Variants in MTCL1 observed in about 807,000 individuals in gnomAD.
The protein encoded by MTCL1 is microtubule cross-linking factor 1.
In MTCL1, 79 loss-of-function variants were observed where a neutral mutation model predicts 141.4. The observed-to-expected ratio is 0.56, with a 90% CI of 0.47 to 0.67. The LOEUF is 0.67. Ranked by LOEUF, MTCL1 falls within the 30% of genes least tolerant of loss-of-function variation. The pLI is 0.00. For synonymous variants in MTCL1, 914 were observed against 875.8 expected, an observed-to-expected ratio of 1.04 and a Z score of -0.77; for missense variants, 2,177 against 2,113.9, an observed-to-expected ratio of 1.03 and a Z score of -0.59.
intron 4 of MTCL1, among the ~76,000 whole-genome samples, chr18:8,740,216 C>G (rs979960980): frequency 6.6e-6 from 1 of 152,196 alleles, no homozygotes; most frequent in Non-Finnish European, 1.5e-5. Flanking sequence ...GCTCTTTTTA[C>G]TCACTTATCT....
chr18:8,831,262 G>C (rs1236084680), intron 16 of MTCL1: 17 of 1,096,814 alleles, frequency 1.5e-5, no homozygotes, highest in South Asian at 2.9e-5. Flanking sequence ...TACCAGATAG[G>C]AATATGATGA....
intron 1 of MTCL1, 36 bp downstream of exon 1, chr18:8,706,749 C>T (rs973004333): frequency 1.3e-6 from 2 of 1,540,588 alleles, no homozygotes; most frequent in Non-Finnish European, 8.7e-7. Context: ...TCCCGGGGCG[C>T]CCCCGGAGGG....
intron 4 of MTCL1, among the ~76,000 whole-genome samples, chr18:8,769,651 A>C (rs77297225): frequency 9.9e-5 from 15 of 152,152 alleles, no homozygotes; most frequent in African/African-American, 3.6e-4. Flanking sequence ...TGTCCATCCC[A>C]GGTGGCCTGG....
chr18:8,717,741 A>AG (rs1444241357), intron 1 of MTCL1: 4 of 234,850 alleles, frequency 1.7e-5, no homozygotes, highest in Non-Finnish European at 2.1e-5. Flanking sequence ...ATGGGAGGGG[A>AG]GGGGGAGCCA....
At chr18:8,745,396 G>A (rs1007730452) in intron 4 of MTCL1, among the ~76,000 whole-genome samples, 1 of 152,156 alleles carries the variant, frequency 6.6e-6, no homozygotes, top group South Asian at 2.1e-4. Flanking sequence ...TCGCACTGTA[G>A]CCATCCGTCT....
At chr18:8,746,017 C>T (rs1159192213) in intron 4 of MTCL1, among the ~76,000 whole-genome samples, 3 of 152,184 alleles carry the variant, frequency 2.0e-5, no homozygotes, top group East Asian at 3.8e-4. Context: ...TGGCTTATTT[C>T]GCTTAGCATA....
rs2242273 is a variant in MTCL1, at chr18:8,828,954, C to T, written c.*8C>T. 0.13 allele frequency: 210,156 copies of T among 1,614,092 alleles called. 14,282 individuals carry two copies. The highest frequency in any genetic ancestry group is 0.16 in the South Asian group (14,245 of 91,080). On this transcript the variant is annotated 3_prime_UTR_variant, in exon 16 of 17. Transcript: ENST00000359865. The surrounding 1 kb of genome is among the most constrained non-coding windows in gnomAD (Gnocchi z 5.2). ...GCCCCCTGGGGACTCTAGCCCTGCCCGCCTCACGCTGTAAGTGCTTCCTTC... is the reference window on the plus strand; with the variant it reads ...GCCCCCTGGGGACTCTAGCCCTGCCTGCCTCACGCTGTAAGTGCTTCCTTC...
intron 4 of MTCL1, among the ~76,000 whole-genome samples, chr18:8,774,276 A>AT (rs1195243898): frequency 1.2e-4 from 11 of 93,772 alleles, no homozygotes; most frequent in East Asian, 4.7e-4. Flanking sequence ...GTGTGTGTGT[A>AT]TTTTTTTTTA....
intron 4 of MTCL1, among the ~76,000 whole-genome samples, chr18:8,724,046 A>C (rs2096191195): frequency 6.6e-6 from 1 of 152,116 alleles, no homozygotes; most frequent in African/African-American, 2.4e-5. Context: ...TGGGGTGATG[A>C]AAATGTTTTA....
chr18:8,718,386 T>C (rs2096144335), intron 2 of MTCL1, 38 bp from the exon 2 acceptor site: 1 of 1,589,314 alleles, frequency 6.3e-7, no homozygotes, highest in African/African-American at 1.3e-5. Context: ...TTTTTTGATG[T>C]ACTTGGCTCA....
chr18:8,825,779 C>T, exon 15 of MTCL1: 1 of 1,614,150 alleles, frequency 6.2e-7, no homozygotes, highest in Non-Finnish European at 8.5e-7. Flanking sequence ...GTGAGTCAGC[C>T]TGGGCCCGCT....
intron 12 of MTCL1, among the ~76,000 whole-genome samples, chr18:8,814,231 G>A (rs1292456554): frequency 6.6e-6 from 1 of 152,138 alleles, no homozygotes; most frequent in Non-Finnish European, 1.5e-5. Context: ...TAAATGGTAA[G>A]AAAGACCAAG....
intron 6 of MTCL1, among the ~76,000 whole-genome samples, chr18:8,785,342 A>G (rs147358443): frequency 6.6e-6 from 1 of 152,312 alleles, no homozygotes; most frequent in African/African-American, 2.4e-5. Flanking sequence ...TAGGCAGCCC[A>G]GGCCCCCACT....
intron 14 of MTCL1, 84 bp downstream of exon 13, chr18:8,821,582 T>G: frequency 1.5e-6 from 1 of 678,700 alleles, no homozygotes; most frequent in Non-Finnish European, 2.5e-6. Flanking sequence ...GCAGTCTATT[T>G]TACCACTCTC....
chr18:8,791,121 T>G (rs1204514292), intron 7 of MTCL1, among the ~76,000 whole-genome samples: 1 of 152,188 alleles, frequency 6.6e-6, no homozygotes, highest in East Asian at 1.9e-4. Flanking sequence ...GCCTTGGGTT[T>G]CAGCAGCTCC....
intron 4 of MTCL1, among the ~76,000 whole-genome samples, chr18:8,724,526 T>C (rs1415284305): frequency 6.6e-6 from 1 of 152,250 alleles, no homozygotes; most frequent in Non-Finnish European, 1.5e-5. Flanking sequence ...ACCATACACG[T>C]TGAATGTGTA....
chr18:8,831,582 C>T (rs1022445979), intron 16 of MTCL1, 25 bp from the exon 15 acceptor site: 48 of 1,548,558 alleles, frequency 3.1e-5, no homozygotes, highest in Non-Finnish European at 3.7e-5. Context: ...CTGAGTAACC[C>T]TGTCTCCCTT....
intron 1 of MTCL1, chr18:8,707,226 G>C (rs1181765614): frequency 6.5e-6 from 1 of 152,818 alleles, no homozygotes; most frequent in Non-Finnish European, 1.5e-5. Context: ...GGGTCTCCTG[G>C]GCTCCGACAT....
At chr18:8,829,949 C>T (rs1179675226) in intron 16 of MTCL1, 10 of 985,220 alleles carry the variant, frequency 1.0e-5, no homozygotes, top group Non-Finnish European at 1.1e-5. Flanking sequence ...TGAATGGTCT[C>T]ATAAAAAGCC....
Sources: gnomAD v4.1 joint callset for allele counts (sites outside exome capture counted in the v4.1 genomes callset) on GRCh38, gnomAD v4.1.1 for gene constraint, Gnocchi (gnomAD v3.1) non-coding constraint, MANE v1.5 for transcripts, NCBI Gene and HGNC (gene_info 2026-07-23, HGNC 2026-07-21) for gene names.